Variants in TSPAN18 observed in about 807,000 individuals in gnomAD.
TSPAN18 encodes tetraspanin-18.
In TSPAN18, 14 loss-of-function variants were observed where a neutral mutation model predicts 27.3. The observed-to-expected ratio is 0.51, with a 90% confidence interval of 0.34 to 0.80. The LOEUF (loss-of-function observed/expected upper bound fraction) is 0.80, where lower values mean the gene tolerates loss of function less well. Among genes scored for constraint, TSPAN18 ranks in the 30% least tolerant of loss-of-function variants. The pLI is 0.01. For synonymous variants in TSPAN18, 143 were observed against 136.5 expected (o/e 1.05, Z -0.33); for missense variants, 268 against 323.9 (o/e 0.83, Z 1.32).
At chr11:44,882,307 C>G (rs1384615751) in intron 3 of TSPAN18, among the ~76,000 whole-genome samples, 1 of 152,154 alleles carries the variant, frequency 6.6e-6, no homozygotes, top group Non-Finnish European at 1.5e-5. Context: ...AACACCTACC[C>G]GTTCTTCCTT....
chr11:44,900,204 C>T (rs957921798), intron 3 of TSPAN18, among the ~76,000 whole-genome samples: 1 of 152,186 alleles, frequency 6.6e-6, no homozygotes, highest in African/African-American at 2.4e-5. Context: ...TTCAGTAGGC[C>T]TCTATAGGGG....
At chr11:44,925,374 G>A (rs546761222) in intron 8 of TSPAN18, among the ~76,000 whole-genome samples, 5 of 152,280 alleles carry the variant, frequency 3.3e-5, no homozygotes, top group South Asian at 2.1e-4. Context: ...TCGTCGTGCC[G>A]GTGGGGTCTG....
chr11:44,874,338 A>G (rs1233027647), intron 3 of TSPAN18, among the ~76,000 whole-genome samples: 2 of 152,152 alleles, frequency 1.3e-5, no homozygotes, highest in African/African-American at 4.8e-5. Flanking sequence ...ATAATAGTCA[A>G]TGGTCTTTGT....
chr11:44,890,825 G>A (rs1420490064), intron 3 of TSPAN18, among the ~76,000 whole-genome samples: 2 of 149,726 alleles, frequency 1.3e-5, no homozygotes, highest in African/African-American at 2.4e-5. Flanking sequence ...CTTGAGTTTT[G>A]CATGTTTATT....
chr11:44,740,077 GC>G (rs1457483051), intron 1 of TSPAN18, among the ~76,000 whole-genome samples: 1 of 152,222 alleles, frequency 6.6e-6, no homozygotes, highest in Non-Finnish European at 1.5e-5. Flanking sequence ...TGGTAGGGTG[GC>G]TACCGGGTCA....
At chr11:44,732,469 A>G (rs1318700692) in intron 1 of TSPAN18, among the ~76,000 whole-genome samples, 3 of 151,250 alleles carry the variant, frequency 2.0e-5, no homozygotes, top group African/African-American at 7.4e-5. Flanking sequence ...CCACTGTGTT[A>G]TATTTCCTCA....
intron 3 of TSPAN18, among the ~76,000 whole-genome samples, chr11:44,862,993 G>T (rs1224500397): frequency 6.6e-6 from 1 of 152,130 alleles, no homozygotes; most frequent in Admixed American, 6.5e-5. Context: ...CCAGGCATTC[G>T]TCATTCATTC....
intron 5 of TSPAN18, among the ~76,000 whole-genome samples, chr11:44,915,081 A>T (rs990449531): frequency 6.6e-6 from 1 of 152,124 alleles, no homozygotes; most frequent in African/African-American, 2.4e-5. Context: ...ATTATTTATC[A>T]CTGTCCAGGC....
intron 8 of TSPAN18, chr11:44,926,451 C>T: frequency 1.8e-6 from 1 of 560,620 alleles, no homozygotes. Flanking sequence ...CTCTGTCCCA[C>T]CTTAGGGGCC....
chr11:44,926,188 C>T (rs570113271), intron 8 of TSPAN18, among the ~76,000 whole-genome samples: 6 of 152,022 alleles, frequency 3.9e-5, no homozygotes, highest in Admixed American at 2.0e-4. Context: ...AGGCAGGTCA[C>T]GAGGAACAGT....
chr11:44,754,351 G>A (rs1050461503), intron 1 of TSPAN18, among the ~76,000 whole-genome samples: 2 of 152,122 alleles, frequency 1.3e-5, no homozygotes, highest in Admixed American at 1.3e-4. Context: ...CTGGCGTGTG[G>A]CTTTTTAATA....
intron 2 of TSPAN18, among the ~76,000 whole-genome samples, chr11:44,797,773 A>G (rs1474941236): frequency 2.0e-5 from 3 of 152,148 alleles, no homozygotes; most frequent in Non-Finnish European, 4.4e-5. Flanking sequence ...CATGAAAGTG[A>G]AAAATTTGGG....
chr11:44,880,575 A>G (rs1858462760), intron 3 of TSPAN18, among the ~76,000 whole-genome samples: 1 of 152,212 alleles, frequency 6.6e-6, no homozygotes, highest in South Asian at 2.1e-4. Context: ...TCTGAACCAC[A>G]CCACCTGATC....
Position 44,927,257 on chromosome 11 carries a change from T to C in TSPAN18, c.699+500T>C, listed in dbSNP as rs147693986. ...GAAAGGTAAGCTCCTGCAGACCGTT[T>C]GCAATCACCACTAGGTGGCGCCTCA... On this transcript the variant is annotated intron_variant, in intron 9 of 9. Coordinates refer to ENST00000520358, the MANE Select transcript of TSPAN18 (RefSeq NM_130783.5). Among the ~76,000 whole-genome samples the C allele has an allele frequency of 1.3e-3, 203 of 152,340 alleles. 1 individual carries two copies. The highest frequency in any genetic ancestry group is 4.7e-3 in the African/African-American group (196 of 41,590).
chr11:44,800,005 T>TG (rs769021059), intron 2 of TSPAN18, among the ~76,000 whole-genome samples: 6,128 of 61,932 alleles, frequency 0.099, 232 homozygotes, highest in African/African-American at 0.14. Context: ...TAATTTTTTG[T>TG]GTTTTTTTTT....
intron 3 of TSPAN18, among the ~76,000 whole-genome samples, chr11:44,904,149 T>C (rs893051892): frequency 1.3e-5 from 2 of 152,110 alleles, no homozygotes; most frequent in Non-Finnish European, 2.9e-5. Context: ...CCCCATGATT[T>C]TTTCCCTTGC....
intron 2 of TSPAN18, among the ~76,000 whole-genome samples, chr11:44,811,937 CA>C (rs1171200795): frequency 1.9e-4 from 29 of 152,322 alleles, no homozygotes; most frequent in African/African-American, 6.7e-4. Flanking sequence ...AGGGTCAGCT[CA>C]TTCCCCGGGA....
intron 3 of TSPAN18, among the ~76,000 whole-genome samples, chr11:44,889,422 G>T (rs1050939049): frequency 6.6e-6 from 1 of 152,190 alleles, no homozygotes; most frequent in East Asian, 1.9e-4. Context: ...AGCAGAAAAG[G>T]CCATGGCCAC....
intron 1 of TSPAN18, among the ~76,000 whole-genome samples, chr11:44,731,096 A>G (rs1452571581): frequency 6.6e-6 from 1 of 152,192 alleles, no homozygotes; most frequent in Non-Finnish European, 1.5e-5. Context: ...GAGATGAGCA[A>G]AAACATGTTC....
Sources: allele counts gnomAD v4.1 joint callset (sites outside exome capture counted in the v4.1 genomes callset), GRCh38; gene constraint gnomAD v4.1.1; transcripts MANE v1.5; gene names NCBI Gene and HGNC (gene_info 2026-07-23, HGNC 2026-07-21).